TPST1: variants seen among roughly 807,000 people sequenced by gnomAD.
TPST1 encodes the protein tyrosylprotein sulfotransferase 1.
In TPST1, 20 loss-of-function variants were observed where a neutral mutation model predicts 34.8. The ratio of observed to expected loss-of-function variants is 0.57; its 90% confidence interval spans 0.40 to 0.84. The LOEUF is 0.84. Among genes scored for constraint, TPST1 ranks in the 40% least tolerant of loss-of-function variants. TPST1 has a pLI of 0.00. For missense variants in TPST1, 353 were observed against 455.5 expected, an observed-to-expected ratio of 0.78 and a Z score of 2.05; for synonymous variants, 152 against 159.4, an observed-to-expected ratio of 0.95 and a Z score of 0.35.
chr7:66,252,778 A>T (rs997259227), intron 2 of TPST1, among the ~76,000 whole-genome samples: 1 of 152,154 alleles, frequency 6.6e-6, no homozygotes, highest in African/African-American at 2.4e-5. Flanking sequence ...ATTTTTTGTA[A>T]AAAAATTCTT....
chr7:66,327,796 A>G (rs950208746), intron 3 of TPST1, among the ~76,000 whole-genome samples: 1 of 151,758 alleles, frequency 6.6e-6, no homozygotes, highest in Admixed American at 6.6e-5. Context: ...AAAAATGTAG[A>G]GTCCATAATG....
intron 1 of TPST1, among the ~76,000 whole-genome samples, chr7:66,221,102 C>G (rs1273934365): frequency 1.3e-5 from 2 of 151,062 alleles, no homozygotes; most frequent in East Asian, 3.9e-4. Flanking sequence ...CACTGCACTC[C>G]AGCCTGGGCA....
chr7:66,313,142 G>A (rs1349329680), intron 3 of TPST1, among the ~76,000 whole-genome samples: 1 of 152,018 alleles, frequency 6.6e-6, no homozygotes, highest in Non-Finnish European at 1.5e-5. Flanking sequence ...GTAGCCAGGC[G>A]CGGTGGCTCA....
intron 2 of TPST1, among the ~76,000 whole-genome samples, chr7:66,255,145 CAAAAAAAAAAA>C (rs35033344): frequency 1.3e-5 from 1 of 78,518 alleles, no homozygotes; most frequent in Non-Finnish European, 2.8e-5. Flanking sequence ...GACAACGTCT[CAAAAAAAAAAA>C]AAAAAAAAAA....
intron 2 of TPST1, among the ~76,000 whole-genome samples, chr7:66,283,843 C>A (rs1387446620): frequency 6.6e-6 from 1 of 152,118 alleles, no homozygotes; most frequent in Non-Finnish European, 1.5e-5. Context: ...ATTATGTGTA[C>A]CTTTGTCTCT....
intron 2 of TPST1, among the ~76,000 whole-genome samples, chr7:66,270,664 A>G (rs1790687428): frequency 6.6e-6 from 1 of 152,220 alleles, no homozygotes; most frequent in African/African-American, 2.4e-5. Flanking sequence ...GTTATTCACA[A>G]TCTGAATTTT....
In TPST1 at chr7:66,278,355, G is replaced by GT. The variant is rs1790862119; in HGVS notation, c.846-8155dup. On this transcript the variant is annotated intron_variant, in intron 2 of 5. Transcript: ENST00000304842. ...CTGAGATTAGAAGGCTGAGGCTGCC[G>GT]TGCGGGTAAGGTAGACTTTAGGGGT... Among the ~76,000 whole-genome samples, 3 of 152,058 alleles carry GT rather than the reference G, an allele frequency of 2.0e-5. No individual in the cohort carries two copies. The South Asian group carries it at 6.2e-4, about 32-fold the overall frequency.
In TPST1 at chr7:66,286,538, C is replaced by T; in HGVS notation, c.873C>T (p.Ile291=). ...SKVERSTDQV[I]KPVNVGALSK... is the part of the protein sequence containing the mutation. ...TGGAGAGATCTACAGACCAAGTAAT[C>T]AAGCCAGTCAATGTAGGAGCTCTAT... The change falls in exon 3 of 6, where the codon ATC becomes ATT. Residue 291 remains isoleucine, a synonymous_variant. Coordinates refer to ENST00000304842, the MANE Select transcript of TPST1 (RefSeq NM_003596.4). 1.2e-6 allele frequency: 2 copies of T among 1,600,460 alleles called. No homozygotes were observed. Among genetic ancestry groups the T allele is most frequent in the Non-Finnish European group, 1.7e-6 (2 of 1,172,328 alleles).
chr7:66,261,162 C>T (rs911577322), intron 2 of TPST1, among the ~76,000 whole-genome samples: 1 of 150,860 alleles, frequency 6.6e-6, no homozygotes, highest in Non-Finnish European at 1.5e-5. Context: ...TTCCCCATTT[C>T]TCGGGAAACA....
intron 2 of TPST1, among the ~76,000 whole-genome samples, chr7:66,285,076 A>G (rs1791008497): frequency 6.6e-6 from 1 of 152,166 alleles, no homozygotes; most frequent in Admixed American, 6.5e-5. Context: ...AGGTAAGCCC[A>G]GCTTCCCAGT....
At chr7:66,337,227 T>C (rs1792137570) in intron 3 of TPST1, among the ~76,000 whole-genome samples, 1 of 151,358 alleles carries the variant, frequency 6.6e-6, no homozygotes, top group South Asian at 2.1e-4. Context: ...TTCTGAAAAA[T>C]TCAGAATATT....
At chr7:66,223,572 A>G (rs1182272952) in intron 1 of TPST1, among the ~76,000 whole-genome samples, 1 of 151,976 alleles carries the variant, frequency 6.6e-6, no homozygotes, top group Non-Finnish European at 1.5e-5. Flanking sequence ...GTTCCTCATC[A>G]TGGGTGGTCT....
chr7:66,265,769 A>G (rs536631812), intron 2 of TPST1, among the ~76,000 whole-genome samples: 8 of 152,330 alleles, frequency 5.3e-5, no homozygotes, highest in African/African-American at 1.7e-4. Flanking sequence ...CTCATCATGT[A>G]CAGGGTAACC....
chr7:66,256,830 C>G (rs1034514224), intron 2 of TPST1, among the ~76,000 whole-genome samples: 3 of 152,264 alleles, frequency 2.0e-5, no homozygotes, highest in East Asian at 1.9e-4. Context: ...GCATATGGCC[C>G]TCTTAATTTG....
upstream of TPST1, among the ~76,000 whole-genome samples, chr7:66,204,021 A>G (rs1330338193): frequency 6.6e-6 from 1 of 152,032 alleles, no homozygotes; most frequent in Non-Finnish European, 1.5e-5. Context: ...TACTAAAAAT[A>G]TAAAAATTAG....
intron 1 of TPST1, among the ~76,000 whole-genome samples, chr7:66,228,775 T>C (rs1789717111): frequency 6.6e-6 from 1 of 152,182 alleles, no homozygotes; most frequent in African/African-American, 2.4e-5. Flanking sequence ...ACACCGAATC[T>C]ATTATCTGTT....
chr7:66,292,932 C>G (rs2115968173), intron 3 of TPST1, among the ~76,000 whole-genome samples: 1 of 152,332 alleles, frequency 6.6e-6, no homozygotes, highest in East Asian at 1.9e-4. Flanking sequence ...AGTGGCCTGG[C>G]ACGCTGGCTC....
chr7:66,204,837 G>A (rs1188611376), upstream of TPST1, among the ~76,000 whole-genome samples: 1 of 152,246 alleles, frequency 6.6e-6, no homozygotes, highest in Non-Finnish European at 1.5e-5. Context: ...GCATTTGCGC[G>A]TTATCTCCCC....
intron 3 of TPST1, among the ~76,000 whole-genome samples, chr7:66,321,797 T>C (rs1338226817): frequency 6.6e-6 from 1 of 152,234 alleles, no homozygotes; most frequent in East Asian, 1.9e-4. Context: ...TCTATTGATA[T>C]CTCATTTTGG....
Sources: allele counts gnomAD v4.1 joint callset (sites outside exome capture counted in the v4.1 genomes callset), GRCh38; gene constraint gnomAD v4.1.1; transcripts MANE v1.5; gene names NCBI Gene and HGNC (gene_info 2026-07-23, HGNC 2026-07-21).